The following SUPT3H variants were observed in gnomAD, a reference collection of about 807,000 sequenced individuals.
SUPT3H encodes the protein transcription initiation protein SPT3 homolog.
SUPT3H carries 44 observed loss-of-function variants against 44.3 expected under a neutral mutation model. The observed-to-expected ratio is 0.99, with a 90% CI of 0.78 to 1.28. The LOEUF (loss-of-function observed/expected upper bound fraction) is 1.28, where lower values mean the gene tolerates loss of function less well. SUPT3H is among the 50% of genes most tolerant of loss of function. SUPT3H has a pLI of 0.00. For synonymous variants in SUPT3H, 124 were observed against 125.6 expected (o/e 0.99, Z 0.09); for missense variants, 380 against 387.1 (o/e 0.98, Z 0.15).
intron 2 of SUPT3H, among the ~76,000 whole-genome samples, chr6:45,269,561 C>T (rs1775786584): frequency 6.6e-6 from 1 of 152,136 alleles, no homozygotes; most frequent in African/African-American, 2.4e-5. Context: ...TCCCCTCAAC[C>T]GACATTTGAA....
chr6:45,326,361 G>A (rs138490497), intron 2 of SUPT3H, among the ~76,000 whole-genome samples: 1 of 151,868 alleles, frequency 6.6e-6, no homozygotes, highest in Admixed American at 6.6e-5. Flanking sequence ...CAAGCTATAA[G>A]GACAAAACCC....
intron 3 of SUPT3H, among the ~76,000 whole-genome samples, chr6:45,028,881 T>C (rs1786446013): frequency 1.8e-5 from 2 of 108,374 alleles, no homozygotes; most frequent in Admixed American, 1.2e-4. Context: ...TCTTTCTTGG[T>C]GAATAAACAG....
intron 2 of SUPT3H, among the ~76,000 whole-genome samples, chr6:45,200,955 C>T (rs1762381364): frequency 6.6e-6 from 1 of 151,468 alleles, no homozygotes; most frequent in Non-Finnish European, 1.5e-5. Flanking sequence ...TTGAATTAAA[C>T]AGTCATGTGT....
chr6:45,104,584 C>T (rs6925770), intron 3 of SUPT3H, among the ~76,000 whole-genome samples: 26,816 of 151,854 alleles, frequency 0.18, 3,761 homozygotes, highest in African/African-American at 0.39. Context: ...TTGTTCTAAA[C>T]GGAGTTGGCT....
chr6:44,984,796 T>C lies in SUPT3H; in HGVS notation c.504+18857A>G, dbSNP rs1300031096. Among the ~76,000 whole-genome samples, 4 of 152,128 alleles carry C rather than the reference T, an allele frequency of 2.6e-5. No homozygotes were observed. In the South Asian group the frequency reaches 6.2e-4, roughly 24 times the overall value. Reference sequence around the variant, plus strand: ...CATAAGGACATTAACCATCAGGGCATTGCCAGAAACATAAACATAAATTAC... The same window carrying C: ...CATAAGGACATTAACCATCAGGGCACTGCCAGAAACATAAACATAAATTAC... On this transcript the variant is annotated intron_variant, in intron 6 of 10. Transcript: ENST00000371459.
intron 10 of SUPT3H, among the ~76,000 whole-genome samples, chr6:44,863,310 T>A (rs1774961204): frequency 6.6e-6 from 1 of 152,176 alleles, no homozygotes; most frequent in Non-Finnish European, 1.5e-5. Context: ...CACACAGTAT[T>A]TGTGGGTGAC....
At chr6:45,304,880 A>G (rs912137423) in intron 2 of SUPT3H, among the ~76,000 whole-genome samples, 1 of 152,178 alleles carries the variant, frequency 6.6e-6, no homozygotes, top group African/African-American at 2.4e-5. Flanking sequence ...TTGAGCACTA[A>G]AAGAACACAA....
chr6:45,044,184 C>A (rs1789019488), intron 3 of SUPT3H, among the ~76,000 whole-genome samples: 1 of 152,112 alleles, frequency 6.6e-6, no homozygotes, highest in Non-Finnish European at 1.5e-5. Flanking sequence ...ATTTCTTAAG[C>A]CTCTGTGCCA....
At chr6:45,046,568 T>C (rs1789429621) in intron 3 of SUPT3H, among the ~76,000 whole-genome samples, 1 of 152,278 alleles carries the variant, frequency 6.6e-6, no homozygotes, top group African/African-American at 2.4e-5. Flanking sequence ...TGACCTCAAG[T>C]AATCCACCCA....
At chr6:45,206,660 A>C (rs1373599970) in intron 2 of SUPT3H, among the ~76,000 whole-genome samples, 1 of 152,170 alleles carries the variant, frequency 6.6e-6, no homozygotes, top group Non-Finnish European at 1.5e-5. Flanking sequence ...AGAAAGACAG[A>C]CCTATTACAA....
chr6:44,841,640 G>A (rs1770958144), intron 10 of SUPT3H, among the ~76,000 whole-genome samples: 1 of 152,106 alleles, frequency 6.6e-6, no homozygotes, highest in Non-Finnish European at 1.5e-5. Context: ...TATTAATCAC[G>A]ATGGTATCTA....
At chr6:45,238,770 G>A (rs1769703654) in intron 2 of SUPT3H, among the ~76,000 whole-genome samples, 2 of 152,138 alleles carry the variant, frequency 1.3e-5, no homozygotes, top group Admixed American at 1.3e-4. Context: ...TAAATTACAT[G>A]GATATGATCC....
intron 2 of SUPT3H, among the ~76,000 whole-genome samples, chr6:45,290,786 T>C (rs924265553): frequency 3.9e-5 from 6 of 152,122 alleles, no homozygotes; most frequent in Admixed American, 1.3e-4. Context: ...CTCTATGTAC[T>C]AAGTATCCCA....
intron 6 of SUPT3H, among the ~76,000 whole-genome samples, chr6:44,990,129 G>GTT (rs999309249): frequency 9.9e-5 from 15 of 151,934 alleles, no homozygotes; most frequent in African/African-American, 3.4e-4. Context: ...ACACTTTTAT[G>GTT]TTTATCTTCA....
At chr6:45,034,968 T>G (rs990889768) in intron 3 of SUPT3H, among the ~76,000 whole-genome samples, 1 of 152,160 alleles carries the variant, frequency 6.6e-6, no homozygotes, top group African/African-American at 2.4e-5. Flanking sequence ...AATAGTTTGC[T>G]CATGGAAGCT....
Position 44,948,428 on chromosome 6 carries a change from G to T in SUPT3H, c.801+4882C>A, listed in dbSNP as rs568008274. On this transcript the variant is annotated intron_variant, in intron 9 of 10. Coordinates refer to ENST00000371459, the MANE Select transcript of SUPT3H (RefSeq NM_003599.4). The stretch of plus-strand genomic sequence containing the variant: ...ACTAAAGAGCTTCTGCACAGCAAAA[G>T]AATCTACCATCAGAGTGAACAGGCA... Among the ~76,000 whole-genome samples, 44 of 152,204 alleles carry T rather than the reference G, an allele frequency of 2.9e-4. No individual in the cohort carries two copies. In the South Asian group the frequency reaches 9.1e-3, roughly 32 times the overall value.
chr6:45,030,216 G>A (rs1441221231), intron 3 of SUPT3H, among the ~76,000 whole-genome samples: 1 of 152,186 alleles, frequency 6.6e-6, no homozygotes, highest in African/African-American at 2.4e-5. Flanking sequence ...TGGTAACTCA[G>A]TAACTGGAAA....
chr6:45,285,436 T>C (rs1441549106), intron 2 of SUPT3H, among the ~76,000 whole-genome samples: 5 of 152,120 alleles, frequency 3.3e-5, no homozygotes, highest in Non-Finnish European at 7.4e-5. Flanking sequence ...ACAAGCATTC[T>C]TATACACCAA....
At chr6:45,307,183 C>T (rs1584829873) in intron 2 of SUPT3H, among the ~76,000 whole-genome samples, 2 of 152,350 alleles carry the variant, frequency 1.3e-5, no homozygotes, top group South Asian at 2.1e-4. Context: ...GTAGACTCCA[C>T]CTCTGGGGGC....
Sources: allele counts gnomAD v4.1 joint callset (sites outside exome capture counted in the v4.1 genomes callset), GRCh38; gene constraint gnomAD v4.1.1; transcripts MANE v1.5; gene names NCBI Gene and HGNC (gene_info 2026-07-23, HGNC 2026-07-21).